Variants in TENM1 observed in about 807,000 individuals in gnomAD.
TENM1 encodes the protein teneurin-1.
TENM1 carries 35 observed loss-of-function variants against 174.8 expected under a neutral mutation model. The observed-to-expected ratio is 0.20, with a 90% CI of 0.15 to 0.27. TENM1 has a LOEUF of 0.27. Among genes scored for constraint, TENM1 ranks in the 10% least tolerant of loss-of-function variants. The pLI is 1.00. For synonymous variants in TENM1, 781 were observed against 798.7 expected (o/e 0.98, Z 0.37); for missense variants, 1,633 against 2,130.1 (o/e 0.77, Z 4.59).
chrX:125,003,984 G>A, the TENM1 span, among the ~76,000 whole-genome samples: 1 of 111,876 alleles, frequency 8.9e-6, no homozygotes, highest in Non-Finnish European at 1.9e-5. Context: ...TCTAACGATG[G>A]AGAAAGATGT....
chrX:124,613,830 TC>T, intron 11 of TENM1, among the ~76,000 whole-genome samples: 1 of 111,634 alleles, frequency 9.0e-6, no homozygotes, highest in South Asian at 3.8e-4. Context: ...CATCTGGTCT[TC>T]CTTCAGCTAC....
At chrX:124,614,773 C>T (rs1395195017) in intron 11 of TENM1, among the ~76,000 whole-genome samples, 1 of 112,276 alleles carries the variant, frequency 8.9e-6, no homozygotes, top group African/African-American at 3.2e-5. Flanking sequence ...GTCCCAGCTA[C>T]TCGGGAGGCT....
chrX:124,886,026 C>T (rs1300829460), intron 3 of TENM1, among the ~76,000 whole-genome samples: 2 of 111,623 alleles, frequency 1.8e-5, no homozygotes. Context: ...GAGCCCATTC[C>T]CAAACCAGAA....
chrX:124,610,323 C>T (rs747486230), intron 11 of TENM1, among the ~76,000 whole-genome samples: 18 of 111,999 alleles, frequency 1.6e-4, no homozygotes, highest in Non-Finnish European at 3.4e-4. Flanking sequence ...ATTTATACAG[C>T]TTAGACAGTA....
intron 23 of TENM1, among the ~76,000 whole-genome samples, chrX:124,423,859 TA>T (rs2060681853): frequency 8.9e-6 from 1 of 111,930 alleles, no homozygotes; most frequent in Non-Finnish European, 1.9e-5. Context: ...GTTGAAGCCC[TA>T]ACCCCCAGTG....
intron 6 of TENM1, among the ~76,000 whole-genome samples, chrX:124,659,695 A>C (rs752481644): frequency 3.3e-4 from 37 of 111,381 alleles, no homozygotes; most frequent in African/African-American, 1.1e-3. Context: ...AAAAGAACAA[A>C]ATTGGAGGCC....
intron 6 of TENM1, among the ~76,000 whole-genome samples, chrX:124,668,278 G>A (rs1434692560): frequency 9.0e-6 from 1 of 111,528 alleles, no homozygotes; most frequent in Non-Finnish European, 1.9e-5. Flanking sequence ...AACCATTGTG[G>A]AAGACAGTGT....
intron 11 of TENM1, among the ~76,000 whole-genome samples, chrX:124,582,078 C>T (rs956750445): frequency 2.7e-4 from 30 of 110,945 alleles, no homozygotes; most frequent in African/African-American, 9.5e-4. Flanking sequence ...GTTGTTCCCC[C>T]CCATGTCCAT....
the TENM1 span, among the ~76,000 whole-genome samples, chrX:125,162,675 T>C: frequency 8.9e-6 from 1 of 112,052 alleles, no homozygotes; most frequent in South Asian, 3.7e-4. Context: ...TTTTATATTG[T>C]TTTGTTTTGC....
the TENM1 span, among the ~76,000 whole-genome samples, chrX:124,982,989 A>G: frequency 2.7e-5 from 3 of 111,983 alleles, no homozygotes; most frequent in African/African-American, 9.7e-5. Context: ...TTCTAGAATA[A>G]CAATATCTAC....
At chrX:124,891,746 C>T (rs773980801) in intron 3 of TENM1, among the ~76,000 whole-genome samples, 1 of 111,263 alleles carries the variant, frequency 9.0e-6, no homozygotes, top group South Asian at 3.8e-4. Flanking sequence ...ACCATTAGAT[C>T]ACCTGTCAGA....
intron 1 of TENM1, among the ~76,000 whole-genome samples, chrX:124,959,070 G>A (rs1409406890): frequency 9.0e-6 from 1 of 111,301 alleles, no homozygotes; most frequent in African/African-American, 3.3e-5. Flanking sequence ...TTAAAATAAT[G>A]AGTTAGGCTC....
At chrX:124,445,632 T>C (rs1038738650) in intron 23 of TENM1, among the ~76,000 whole-genome samples, 1 of 112,430 alleles carries the variant, frequency 8.9e-6, no homozygotes, top group Admixed American at 9.4e-5. Context: ...TGTATCTGGA[T>C]GCTCTAGACA....
At chrX:124,995,956 AC>A in the TENM1 span, among the ~76,000 whole-genome samples, 1 of 111,332 alleles carries the variant, frequency 9.0e-6, no homozygotes, top group Non-Finnish European at 1.9e-5. Flanking sequence ...AGGAAAAAAA[AC>A]CAAAGAGAAC....
chrX:124,512,448 T>C (rs1477910781), intron 18 of TENM1, among the ~76,000 whole-genome samples: 1 of 111,592 alleles, frequency 9.0e-6, no homozygotes, highest in Non-Finnish European at 1.9e-5. Flanking sequence ...CTTGTCTGTG[T>C]ATCAGACAAC....
the TENM1 span, among the ~76,000 whole-genome samples, chrX:125,111,648 T>C: frequency 9.0e-6 from 1 of 111,393 alleles, no homozygotes; most frequent in Non-Finnish European, 1.9e-5. Flanking sequence ...TACAGAAAAA[T>C]AAACTGATGC....
intron 25 of TENM1, among the ~76,000 whole-genome samples, chrX:124,415,509 G>A (rs957925404): frequency 9.0e-6 from 1 of 111,489 alleles, no homozygotes; most frequent in Non-Finnish European, 1.9e-5. Flanking sequence ...GGTCACTCTC[G>A]TAAGCCCACA....
At chrX:124,555,729 C>T (rs2048678819) in intron 14 of TENM1, among the ~76,000 whole-genome samples, 1 of 111,784 alleles carries the variant, frequency 8.9e-6, no homozygotes, top group African/African-American at 3.3e-5. Flanking sequence ...CAGCAGTTCA[C>T]AAATAGATAA....
At chrX:124,419,349 A>G (rs1404382096) in intron 25 of TENM1, among the ~76,000 whole-genome samples, 1 of 111,654 alleles carries the variant, frequency 9.0e-6, no homozygotes, top group African/African-American at 3.3e-5. Flanking sequence ...TTATACTTTA[A>G]CATCTCCACT....
Sources: allele counts gnomAD v4.1 joint callset (sites outside exome capture counted in the v4.1 genomes callset), GRCh38; gene constraint gnomAD v4.1.1; transcripts MANE v1.5; gene names NCBI Gene and HGNC (gene_info 2026-07-23, HGNC 2026-07-21).